MBD5: variants seen among roughly 807,000 people sequenced by gnomAD.
The protein encoded by MBD5 is methyl-CpG binding domain protein 5.
MBD5 carries 13 observed loss-of-function variants against 117.3 expected under a neutral mutation model. That is an observed-to-expected ratio of 0.11 (90% CI 0.07 to 0.18). The LOEUF is 0.18. MBD5 is among the 10% of genes least tolerant of loss of function. The pLI, the probability that MBD5 is intolerant of heterozygous loss-of-function variation, is 1.00. For missense variants in MBD5, 1,879 were observed against 2,093.8 expected (o/e 0.90, Z 2.00); for synonymous variants, 727 against 766.4 (o/e 0.95, Z 0.85).
intron 3 of MBD5, among the ~76,000 whole-genome samples, chr2:148,276,498 A>G (rs72856388): frequency 1.2e-4 from 19 of 152,298 alleles, no homozygotes; most frequent in Non-Finnish European, 2.2e-4. Flanking sequence ...TTAAGAGTAA[A>G]TTGCAGACCT....
chr2:148,337,288 T>C (rs1702823062), intron 3 of MBD5, among the ~76,000 whole-genome samples: 1 of 152,156 alleles, frequency 6.6e-6, no homozygotes, highest in South Asian at 2.1e-4. Context: ...TGGTATGTTT[T>C]TACATAAAGA....
rs187968044 is a variant in MBD5, at chr2:148,114,636, A to G, written c.-924-64064A>G. Reference sequence around the variant, plus strand: ...TGAGAATTCCACATAACCTCTCAGCATGCTGAAAAATTGTTGGTTAAAGGT... The same window carrying G: ...TGAGAATTCCACATAACCTCTCAGCGTGCTGAAAAATTGTTGGTTAAAGGT... On this transcript the variant is annotated intron_variant, in intron 1 of 13. Transcript: ENST00000642680. Among the ~76,000 whole-genome samples the G allele has an allele frequency of 1.7e-3, 260 of 152,330 alleles. 1 individual carries two copies. The highest frequency in any genetic ancestry group is 5.8e-3 in the African/African-American group (243 of 41,578).
At chr2:148,149,547 G>A (rs1408431920) in intron 1 of MBD5, among the ~76,000 whole-genome samples, 2 of 151,114 alleles carry the variant, frequency 1.3e-5, no homozygotes, top group Non-Finnish European at 3.0e-5. Flanking sequence ...CTAGTTTACA[G>A]TCCCACCAAC....
At chr2:148,475,068 T>A (rs1680914516) in intron 8 of MBD5, among the ~76,000 whole-genome samples, 1 of 152,118 alleles carries the variant, frequency 6.6e-6, no homozygotes, top group Admixed American at 6.6e-5. Flanking sequence ...AATAATTCAG[T>A]GTTATATAGA....
At chr2:148,209,116 A>T (rs1263332535) in intron 2 of MBD5, among the ~76,000 whole-genome samples, 1 of 152,198 alleles carries the variant, frequency 6.6e-6, no homozygotes, top group African/African-American at 2.4e-5. Context: ...ATTACATTCT[A>T]AAACTGATTA....
At chr2:148,102,699 AT>A in intron 1 of MBD5, among the ~76,000 whole-genome samples, 1 of 71,026 alleles carries the variant, frequency 1.4e-5, no homozygotes, top group Non-Finnish European at 3.0e-5. Context: ...AGAGAGAGAG[AT>A]CACACACACA....
chr2:148,250,453 G>A (rs1700439749), intron 3 of MBD5, among the ~76,000 whole-genome samples: 1 of 152,086 alleles, frequency 6.6e-6, no homozygotes, highest in Non-Finnish European at 1.5e-5. Flanking sequence ...TTCTTTGCTG[G>A]GCCCCACAGA....
intron 2 of MBD5, among the ~76,000 whole-genome samples, chr2:148,197,009 T>C (rs1699005643): frequency 6.6e-6 from 1 of 152,098 alleles, no homozygotes; most frequent in African/African-American, 2.4e-5. Context: ...ACAGAAATAT[T>C]CCAGATCCCA....
intron 1 of MBD5, among the ~76,000 whole-genome samples, chr2:148,159,052 C>T (rs547430183): frequency 6.6e-6 from 1 of 152,168 alleles, no homozygotes; most frequent in Admixed American, 6.5e-5. Flanking sequence ...TATAAAAACA[C>T]GGTAAAGTAA....
intron 3 of MBD5, among the ~76,000 whole-genome samples, chr2:148,285,493 C>A (rs1048419598): frequency 6.6e-6 from 1 of 152,152 alleles, no homozygotes; most frequent in African/African-American, 2.4e-5. Context: ...CATCTACTTT[C>A]TTTATTGTAG....
At chr2:148,272,983 A>C (rs1403282238) in intron 3 of MBD5, among the ~76,000 whole-genome samples, 2 of 152,224 alleles carry the variant, frequency 1.3e-5, no homozygotes, top group Non-Finnish European at 2.9e-5. Context: ...ATTTCTAGAC[A>C]AAGTACAGAA....
chr2:148,059,311 T>C (rs1694961780), intron 1 of MBD5, among the ~76,000 whole-genome samples: 1 of 152,204 alleles, frequency 6.6e-6, no homozygotes, highest in African/African-American at 2.4e-5. Context: ...AAGTTTTCTA[T>C]TTAGTTTCTA....
intron 1 of MBD5, among the ~76,000 whole-genome samples, chr2:148,098,110 G>C (rs1258527790): frequency 2.0e-5 from 3 of 152,164 alleles, no homozygotes; most frequent in Non-Finnish European, 2.9e-5. Context: ...TTGTATTTTA[G>C]AACGATCACT....
intron 3 of MBD5, among the ~76,000 whole-genome samples, chr2:148,322,359 G>C (rs573702436): frequency 5.8e-4 from 89 of 152,274 alleles, no homozygotes; most frequent in Middle Eastern, 3.4e-3. Context: ...TTGAGGACCT[G>C]ACCTGTGTAT....
intron 4 of MBD5, among the ~76,000 whole-genome samples, chr2:148,424,983 AG>A (rs1226550751): frequency 6.6e-6 from 1 of 152,192 alleles, no homozygotes; most frequent in Non-Finnish European, 1.5e-5. Context: ...AAACTAGAGA[AG>A]CAAGAGCAAA....
chr2:148,267,188 G>T (rs1460351788), intron 3 of MBD5, among the ~76,000 whole-genome samples: 1 of 152,058 alleles, frequency 6.6e-6, no homozygotes, highest in Admixed American at 6.5e-5. Flanking sequence ...ATTGTAAGGG[G>T]CATTGAGACC....
chr2:148,378,639 G>A (rs1704052804), intron 4 of MBD5, among the ~76,000 whole-genome samples: 1 of 151,734 alleles, frequency 6.6e-6, no homozygotes, highest in Non-Finnish European at 1.5e-5. Flanking sequence ...CAAAATGTTT[G>A]TCTTCTTATG....
At chr2:148,241,561 A>G (rs1410105615) in intron 3 of MBD5, among the ~76,000 whole-genome samples, 1 of 152,032 alleles carries the variant, frequency 6.6e-6, no homozygotes, top group Non-Finnish European at 1.5e-5. Flanking sequence ...CAATATACAA[A>G]TATTGTAACT....
At chr2:148,176,683 A>G (rs1698398366) in intron 1 of MBD5, among the ~76,000 whole-genome samples, 1 of 152,132 alleles carries the variant, frequency 6.6e-6, no homozygotes, top group Non-Finnish European at 1.5e-5. Context: ...TGCTGGGATT[A>G]CAGGCTTGAG....
Sources: gnomAD v4.1 joint callset for allele counts (sites outside exome capture counted in the v4.1 genomes callset) on GRCh38, gnomAD v4.1.1 for gene constraint, MANE v1.5 for transcripts, NCBI Gene and HGNC (gene_info 2026-07-23, HGNC 2026-07-21) for gene names.